DENND4A: variants seen among roughly 807,000 people sequenced by gnomAD.
DENND4A encodes the protein DENN domain containing 4A, also known as C-myc promoter-binding protein.
Under a neutral mutation model 199.3 loss-of-function variants are expected in DENND4A, and 70 were observed. That is an observed-to-expected ratio of 0.35 (90% CI 0.29 to 0.43). The LOEUF is 0.43. Ranked by LOEUF, DENND4A falls within the 20% of genes least tolerant of loss-of-function variation. The probability of loss-of-function intolerance (pLI) is 1.00; values close to 1 mark genes in which losing one functional copy is unlikely to be tolerated. For synonymous variants in DENND4A, 686 were observed against 766.9 expected, an observed-to-expected ratio of 0.89 and a Z score of 1.74; for missense variants, 1,723 against 2,255.8, an observed-to-expected ratio of 0.76 and a Z score of 4.78.
intron 14 of DENND4A, 143 bp from the exon 15 acceptor site, chr15:65,706,367 G>A (rs541201036): frequency 6.6e-6 from 5 of 755,502 alleles, no homozygotes; most frequent in African/African-American, 1.8e-5. Context: ...TTCTCTATGA[G>A]TGCCAAAATA....
intron 13 of DENND4A, among the ~76,000 whole-genome samples, chr15:65,717,360 T>C (rs1410342455): frequency 6.6e-6 from 1 of 152,192 alleles, no homozygotes; most frequent in Non-Finnish European, 1.5e-5. Flanking sequence ...TATTTGTAAA[T>C]ATTTGTAAAG....
At chr15:65,705,945 G>T in intron 15 of DENND4A, 146 bp downstream of exon 15, 1 of 1,265,136 alleles carries the variant, frequency 7.9e-7, no homozygotes, top group Non-Finnish European at 1.0e-6. Context: ...GCTTAATAAT[G>T]GATGTGGGAT....
At chr15:65,692,688 C>T (rs1380150972) in intron 22 of DENND4A, among the ~76,000 whole-genome samples, 2 of 151,898 alleles carry the variant, frequency 1.3e-5, no homozygotes, top group Admixed American at 6.6e-5. Context: ...CACCAGCTTA[C>T]GATTGAGGAC....
intron 1 of DENND4A, among the ~76,000 whole-genome samples, chr15:65,768,141 C>T (rs904047148): frequency 1.3e-5 from 2 of 152,068 alleles, no homozygotes; most frequent in Admixed American, 6.6e-5. Context: ...ACTATAGGCG[C>T]ACACCACCAC....
At chr15:65,704,529 C>T (rs1019460239) in intron 15 of DENND4A, among the ~76,000 whole-genome samples, 6 of 152,154 alleles carry the variant, frequency 3.9e-5, no homozygotes, top group Non-Finnish European at 5.9e-5. Flanking sequence ...TGCAGCACCA[C>T]GCCCAGCTAT....
chr15:65,772,658 G>T (rs1596669929), intron 1 of DENND4A, among the ~76,000 whole-genome samples: 1 of 120,616 alleles, frequency 8.3e-6, no homozygotes, highest in East Asian at 3.0e-4. Context: ...AGTGGGCCGA[G>T]ATCGAGCCAC....
chr15:65,757,384 G>A (rs935061507), intron 2 of DENND4A, among the ~76,000 whole-genome samples: 3 of 152,004 alleles, frequency 2.0e-5, no homozygotes, highest in Admixed American at 6.6e-5. Flanking sequence ...CACCTGATCC[G>A]GCTTGTGTTT....
chr15:65,680,577 A>G (rs2076538816), intron 23 of DENND4A: 1 of 152,218 alleles, frequency 6.6e-6, no homozygotes. Flanking sequence ...GAATGATTTT[A>G]CATTGAGAGA....
At position 65,756,396 on chromosome 15, in the gene DENND4A, T is replaced by G; in HGVS notation, c.55A>C (p.Thr19Pro). The G allele has an allele frequency of 6.2e-7, 1 of 1,613,854 alleles. No individual in the cohort carries two copies. Among genetic ancestry groups the G allele is most frequent in the Non-Finnish European group, 8.5e-7 (1 of 1,179,842 alleles). Reference protein sequence around the residue: ...VADYFVVAGLTDVSKPLEEEI... With the variant: ...VADYFVVAGLPDVSKPLEEEI... ...TCTTCTAGAGGCTTTGAAACATCAG[T>G]TAATCCTGCTACAACAAAGTAGTCA... The change falls in exon 3 of 33, where the codon ACT becomes CCT. Residue 19 changes from threonine (T) to proline (P), a missense_variant. By Grantham distance (38) the Thr-to-Pro change is conservative (BLOSUM62 -1). Coordinates refer to ENST00000443035, the MANE Select transcript of DENND4A (RefSeq NM_001320835.1).
At chr15:65,734,836 C>CA (rs2076066154) in intron 7 of DENND4A, among the ~76,000 whole-genome samples, 1 of 152,162 alleles carries the variant, frequency 6.6e-6, no homozygotes, top group African/African-American at 2.4e-5. Flanking sequence ...AATCCCAGCA[C>CA]TTTGGGAGGC....
chr15:65,710,504 T>C (rs552704929), intron 14 of DENND4A, among the ~76,000 whole-genome samples: 1 of 152,132 alleles, frequency 6.6e-6, no homozygotes, highest in Non-Finnish European at 1.5e-5. Flanking sequence ...AGAACATATA[T>C]ACAACCAATG....
chr15:65,775,400 G>A (rs1225772735), intron 1 of DENND4A, among the ~76,000 whole-genome samples: 1 of 151,350 alleles, frequency 6.6e-6, no homozygotes. Flanking sequence ...CAGCACTTTG[G>A]GAGGCTGAGG....
At chr15:65,778,808 C>G (rs968006061) in intron 1 of DENND4A, among the ~76,000 whole-genome samples, 2 of 150,766 alleles carry the variant, frequency 1.3e-5, no homozygotes, top group Non-Finnish European at 2.9e-5. Context: ...GCAGGAGAAT[C>G]GCTTGAACCC....
At chr15:65,723,023 T>C (rs2075694248) in intron 11 of DENND4A, 75 bp from the exon 12 acceptor site, 5 of 1,118,648 alleles carry the variant, frequency 4.5e-6, no homozygotes, top group Admixed American at 3.6e-5. Flanking sequence ...CTGTTATATA[T>C]AAAAACGGGA....
chr15:65,725,324 T>C (rs1232016935), intron 11 of DENND4A, among the ~76,000 whole-genome samples: 2 of 152,190 alleles, frequency 1.3e-5, no homozygotes, highest in Admixed American at 6.5e-5. Flanking sequence ...ATAAGCTATA[T>C]GCCCTTTGAT....
At chr15:65,777,794 G>C (rs181029406) in intron 1 of DENND4A, among the ~76,000 whole-genome samples, 2 of 152,330 alleles carry the variant, frequency 1.3e-5, no homozygotes, top group East Asian at 3.9e-4. Context: ...CCAACACTGT[G>C]GGAGGCCAAA....
chr15:65,698,102 T>C (rs1015423855), intron 20 of DENND4A, among the ~76,000 whole-genome samples: 2 of 151,398 alleles, frequency 1.3e-5, no homozygotes, highest in African/African-American at 4.9e-5. Context: ...AAATAAAAAA[T>C]AAAAAAAATT....
chr15:65,770,050 TA>T (rs2077091221), intron 1 of DENND4A, among the ~76,000 whole-genome samples: 1 of 152,176 alleles, frequency 6.6e-6, no homozygotes, highest in African/African-American at 2.4e-5. Context: ...TCAGTATTTT[TA>T]AAGGAGGACT....
intron 13 of DENND4A, among the ~76,000 whole-genome samples, chr15:65,717,462 T>C (rs1262768812): frequency 6.6e-6 from 1 of 152,180 alleles, no homozygotes; most frequent in Non-Finnish European, 1.5e-5. Flanking sequence ...GGGTTCCTCT[T>C]ATCCCCAACA....
Sources: gnomAD v4.1 joint callset for allele counts (sites outside exome capture counted in the v4.1 genomes callset) on GRCh38, gnomAD v4.1.1 for gene constraint, MANE v1.5 for transcripts, NCBI Gene and HGNC (gene_info 2026-07-23, HGNC 2026-07-21) for gene names.